Variants in DMD observed in about 807,000 individuals in gnomAD.
DMD encodes mutant dystrophin.
A neutral mutation model predicts 330.1 loss-of-function variants in DMD; 63 were observed. The observed-to-expected ratio is 0.19, with a 90% CI of 0.16 to 0.24. DMD has a LOEUF of 0.24. Ranked by LOEUF, DMD falls within the 10% of genes least tolerant of loss-of-function variation. The pLI is 1.00. For missense variants in DMD, 3,344 were observed against 2,684.1 expected (o/e 1.25, Z -5.43); for synonymous variants, 1,223 against 959.8 (o/e 1.27, Z -5.07).
chrX:32,831,012 G>T (rs1193998082), intron 4 of DMD, among the ~76,000 whole-genome samples: 1 of 110,756 alleles, frequency 9.0e-6, no homozygotes, highest in East Asian at 2.8e-4. Context: ...ACTTAAGGGG[G>T]TCCCTCTTCT....
intron 1 of DMD, among the ~76,000 whole-genome samples, chrX:33,281,712 T>C (rs1008883521): frequency 9.1e-6 from 1 of 110,168 alleles, no homozygotes; most frequent in Non-Finnish European, 1.9e-5. Flanking sequence ...TTTTAGCAGG[T>C]ATTTACCATA....
chrX:32,614,853 C>A (rs1472067522), intron 11 of DMD, among the ~76,000 whole-genome samples: 2 of 110,009 alleles, frequency 1.8e-5, no homozygotes, highest in Non-Finnish European at 3.8e-5. Flanking sequence ...TTTTCCATCC[C>A]TGTGAATATG....
At chrX:32,730,830 A>G (rs1400126264) in intron 7 of DMD, among the ~76,000 whole-genome samples, 3 of 112,158 alleles carry the variant, frequency 2.7e-5, no homozygotes, top group East Asian at 2.8e-4. Context: ...TGAGCAGAAA[A>G]AGAGTAGGAA....
At chrX:31,893,050 GA>G (rs748200466) in intron 47 of DMD, among the ~76,000 whole-genome samples, 2 of 111,983 alleles carry the variant, frequency 1.8e-5, no homozygotes, top group Non-Finnish European at 3.8e-5. Flanking sequence ...AGGAATAGCA[GA>G]AAAATATTAA....
intron 13 of DMD, among the ~76,000 whole-genome samples, chrX:32,588,016 T>C (rs2054483662): frequency 9.0e-6 from 1 of 111,170 alleles, no homozygotes; most frequent in Non-Finnish European, 1.9e-5. Context: ...AAGGGTCTAT[T>C]TCTAGAGTTT....
intron 44 of DMD, among the ~76,000 whole-genome samples, chrX:32,187,960 A>G (rs2096955025): frequency 9.0e-6 from 1 of 111,195 alleles, no homozygotes; most frequent in African/African-American, 3.2e-5. Context: ...TACAACTGCA[A>G]CATAATAAAC....
intron 49 of DMD, among the ~76,000 whole-genome samples, chrX:31,831,809 A>G (rs144237472): frequency 0.019 from 2,163 of 111,876 alleles, 55 homozygotes; most frequent in East Asian, 0.18. Context: ...TCACCATGTT[A>G]GCCAGGATGG....
At chrX:32,750,743 C>T (rs2070701626) in intron 7 of DMD, among the ~76,000 whole-genome samples, 1 of 111,465 alleles carries the variant, frequency 9.0e-6, no homozygotes, top group Admixed American at 9.5e-5. Context: ...CCACCCTTCA[C>T]CTATTTTACT....
intron 60 of DMD, among the ~76,000 whole-genome samples, chrX:31,424,216 A>C (rs1602689680): frequency 1.8e-5 from 2 of 111,938 alleles, no homozygotes; most frequent in East Asian, 2.8e-4. Flanking sequence ...TGTATGTTGA[A>C]ATGTACTAAA....
At chrX:32,676,959 A>G (rs2062013861) in intron 9 of DMD, among the ~76,000 whole-genome samples, 1 of 111,888 alleles carries the variant, frequency 8.9e-6, no homozygotes, top group Non-Finnish European at 1.9e-5. Flanking sequence ...ATTGAAATTG[A>G]AAAATATATG....
chrX:31,888,332 T>C (rs1009987028), intron 47 of DMD, among the ~76,000 whole-genome samples: 1 of 111,402 alleles, frequency 9.0e-6, no homozygotes, highest in East Asian at 2.8e-4. Flanking sequence ...GTATTGCTTC[T>C]GTAGTTGACT....
chrX:32,807,500 ATTG>A, intron 7 of DMD, among the ~76,000 whole-genome samples: 1 of 111,299 alleles, frequency 9.0e-6, no homozygotes, highest in East Asian at 2.8e-4. Context: ...TTGATTTTAA[ATTG>A]TTGAAGTTTG....
intron 53 of DMD, among the ~76,000 whole-genome samples, chrX:31,667,526 AG>A (rs892698518): frequency 1.8e-4 from 20 of 110,125 alleles, no homozygotes; most frequent in African/African-American, 5.3e-4. Flanking sequence ...GTAGGGGGAA[AG>A]GGGGGGATGG....
intron 13 of DMD, among the ~76,000 whole-genome samples, chrX:32,578,235 AG>A (rs2053278310): frequency 8.9e-6 from 1 of 112,409 alleles, no homozygotes; most frequent in East Asian, 2.8e-4. Flanking sequence ...TGTTTCTCTG[AG>A]TTTCTATTTA....
At chrX:32,549,848 C>T (rs760848529) in intron 16 of DMD, among the ~76,000 whole-genome samples, 94 of 111,111 alleles carry the variant, frequency 8.5e-4, no homozygotes, top group Non-Finnish European at 1.6e-3. Flanking sequence ...TTAAAAAATG[C>T]ACATTTAAAA....
intron 7 of DMD, among the ~76,000 whole-genome samples, chrX:32,788,597 G>C (rs2075584554): frequency 8.9e-6 from 1 of 111,782 alleles, no homozygotes; most frequent in South Asian, 3.7e-4. Context: ...TACACTAACA[G>C]TGCAGGCTCC....
In DMD at chrX:31,980,430, A is replaced by C. The variant is rs748937826; in HGVS notation, c.6439-11916T>G. ...AGTAGTATGCTGATCAAAATAGTACATTTTGTATGATTTCATTTATACAAA... is the reference window on the plus strand; with the variant it reads ...AGTAGTATGCTGATCAAAATAGTACCTTTTGTATGATTTCATTTATACAAA... On this transcript the variant is annotated intron_variant, in intron 44 of 78. Coordinates refer to ENST00000357033, the MANE Select transcript of DMD (RefSeq NM_004006.3). Among the ~76,000 whole-genome samples the C allele has an allele frequency of 8.9e-5, 10 of 112,162 alleles. No homozygotes were observed. In the East Asian group the frequency reaches 2.5e-3, roughly 28 times the overall value.
chrX:32,711,246 A>T (rs1296276068), intron 7 of DMD, among the ~76,000 whole-genome samples: 2 of 111,170 alleles, frequency 1.8e-5, no homozygotes, highest in African/African-American at 6.5e-5. Flanking sequence ...GTTCTTCTTG[A>T]CTCTGAAATG....
At chrX:32,715,469 CAAAAAA>C (rs61325834) in intron 7 of DMD, among the ~76,000 whole-genome samples, 39 of 17,222 alleles carry the variant, frequency 2.3e-3, no homozygotes, top group African/African-American at 5.4e-3. Context: ...GAGATTCCAT[CAAAAAA>C]AAAAAAAAAA....
Sources: allele counts gnomAD v4.1 joint callset (sites outside exome capture counted in the v4.1 genomes callset), GRCh38; gene constraint gnomAD v4.1.1; transcripts MANE v1.5; gene names NCBI Gene and HGNC (gene_info 2026-07-23, HGNC 2026-07-21).